Variants in LRRC28 observed in about 807,000 individuals in gnomAD.
LRRC28 encodes leucine rich repeat containing 28, also known as leucine-rich repeat-containing protein 28.
A neutral mutation model predicts 45.7 loss-of-function variants in LRRC28; 39 were observed. The ratio of observed to expected loss-of-function variants is 0.85; its 90% CI spans 0.66 to 1.12. LRRC28 has a LOEUF of 1.12. Ranked by LOEUF, LRRC28 falls within the 50% of genes most tolerant of loss-of-function variation. The pLI is 0.00. For synonymous variants in LRRC28, 206 were observed against 178.8 expected (o/e 1.15, Z -1.22); for missense variants, 435 against 438.5 (o/e 0.99, Z 0.07).
At chr15:99,357,516 C>G (rs912711395) in intron 7 of LRRC28, among the ~76,000 whole-genome samples, 1 of 152,158 alleles carries the variant, frequency 6.6e-6, no homozygotes, top group Non-Finnish European at 1.5e-5. Flanking sequence ...AAAGGCCAAA[C>G]CAGACTATAG....
Position 99,292,706 on chromosome 15 carries a change from C to A in LRRC28, c.385+4755C>A, listed in dbSNP as rs572672141. On this transcript the variant is annotated intron_variant, in intron 5 of 9. Coordinates refer to ENST00000301981, the MANE Select transcript of LRRC28 (RefSeq NM_144598.5). ...ACCTACGAATCCTCTGGGTTCTACACGGGTATGTCCACATATAGCTTTCAA... is the reference window on the plus strand; with the variant it reads ...ACCTACGAATCCTCTGGGTTCTACAAGGGTATGTCCACATATAGCTTTCAA... 5.3e-5 allele frequency among the ~76,000 whole-genome samples: 8 copies of A among 152,336 alleles called. No individual in the cohort carries two copies. In the South Asian group the frequency reaches 1.4e-3, roughly 28 times the overall value.
At chr15:99,359,153 A>G (rs1474718819) in intron 7 of LRRC28, among the ~76,000 whole-genome samples, 2 of 152,220 alleles carry the variant, frequency 1.3e-5, no homozygotes, top group African/African-American at 4.8e-5. Context: ...CAGTCTTCAA[A>G]TCAGGGTAAC....
intron 7 of LRRC28, among the ~76,000 whole-genome samples, chr15:99,358,406 C>A (rs1346581959): frequency 6.6e-6 from 1 of 152,100 alleles, no homozygotes; most frequent in African/African-American, 2.4e-5. Context: ...TAATACAAAT[C>A]TCTGGAAGGC....
Position 99,386,732 on chromosome 15 carries a change from T to C in LRRC28, c.*630T>C, listed in dbSNP as rs1340484719. On this transcript the variant is annotated 3_prime_UTR_variant, in exon 10 of 10. Coordinates refer to ENST00000301981, the MANE Select transcript of LRRC28 (RefSeq NM_144598.5). Reference sequence around the variant, plus strand: ...GTTCTACAGTGTAGCAACAGACTTTTGTGAGGGATTTTAAAAACAAAAATG... The same window carrying C: ...GTTCTACAGTGTAGCAACAGACTTTCGTGAGGGATTTTAAAAACAAAAATG... 2.6e-5 allele frequency: 4 copies of C among 152,356 alleles called. No homozygotes were observed. In the East Asian group the frequency reaches 5.8e-4, roughly 22 times the overall value. The allele number at this position is 152,356 out of a possible 1,614,324, so 9.4% of individuals were successfully genotyped here.
chr15:99,328,649 G>A (rs1956061439), intron 5 of LRRC28, among the ~76,000 whole-genome samples: 1 of 149,708 alleles, frequency 6.7e-6, no homozygotes, highest in Non-Finnish European at 1.5e-5. Flanking sequence ...ATGAGTCTGA[G>A]TGGACTAGGT....
chr15:99,384,017 A>G (rs1323829180), intron 9 of LRRC28, among the ~76,000 whole-genome samples: 16 of 152,316 alleles, frequency 1.1e-4, no homozygotes, highest in African/African-American at 3.6e-4. Context: ...ATCCGTTTCC[A>G]TGCGTGCCCT....
chr15:99,336,959 C>G (rs940104065), intron 6 of LRRC28, among the ~76,000 whole-genome samples: 3 of 152,232 alleles, frequency 2.0e-5, no homozygotes, highest in African/African-American at 7.2e-5. Context: ...ATCCACAGCC[C>G]TGTTCTCTTG....
chr15:99,357,669 T>G (rs1957084015), intron 7 of LRRC28, among the ~76,000 whole-genome samples: 1 of 152,238 alleles, frequency 6.6e-6, no homozygotes. Flanking sequence ...AATTGTGACT[T>G]GTGTACTTTT....
chr15:99,333,638 A>G (rs2152293807), intron 5 of LRRC28: 1 of 432,724 alleles, frequency 2.3e-6, no homozygotes, highest in East Asian at 4.2e-5. Flanking sequence ...TGCAGAAGCC[A>G]TAGTGACAGA....
At chr15:99,325,258 A>G (rs989633662) in intron 5 of LRRC28, among the ~76,000 whole-genome samples, 1 of 152,168 alleles carries the variant, frequency 6.6e-6, no homozygotes, top group Non-Finnish European at 1.5e-5. Flanking sequence ...TAGAAATGCA[A>G]TTGATTTTCT....
chr15:99,362,065 T>G lies in LRRC28; in HGVS notation c.871+554T>G, dbSNP rs1482981637. Among the ~76,000 whole-genome samples, 3 of 152,172 alleles carry G rather than the reference T, an allele frequency of 2.0e-5. No homozygotes were observed. The East Asian group carries it at 5.8e-4, about 29-fold the overall frequency. On this transcript the variant is annotated intron_variant, in intron 8 of 9. Coordinates refer to ENST00000301981, the MANE Select transcript of LRRC28 (RefSeq NM_144598.5). ...GTGCCAGCTAAAATTTGGAAAGGAT[T>G]TGGCCGTGCACAGATTTGATAGGTA...
chr15:99,257,716 G>A, intron 2 of LRRC28: 1 of 773,830 alleles, frequency 1.3e-6, no homozygotes. Context: ...GATGTGGAAG[G>A]TACAGTAGAA....
intron 5 of LRRC28, among the ~76,000 whole-genome samples, chr15:99,328,670 T>C: frequency 6.7e-6 from 1 of 149,068 alleles, no homozygotes; most frequent in Non-Finnish European, 1.5e-5. Flanking sequence ...AGGGAAAATC[T>C]GCCCTCATTA....
In LRRC28 at chr15:99,334,175, A is replaced by C. The variant is rs1408510770; in HGVS notation, c.592+46A>C. ...TAAAGCAGCCAAAGAATAAGATGGA[A>C]AGCCTTTGTTTCTTTGACTAGAACC... On this transcript the variant is annotated intron_variant, in intron 6 of 9. Coordinates refer to ENST00000301981, the MANE Select transcript of LRRC28 (RefSeq NM_144598.5). The C allele has an allele frequency of 2.5e-6, 4 of 1,603,172 alleles. No individual in the cohort carries two copies. In the African/African-American group the frequency reaches 5.4e-5, roughly 21 times the overall value.
At chr15:99,334,831 G>A (rs1956272632) in intron 6 of LRRC28, among the ~76,000 whole-genome samples, 1 of 152,024 alleles carries the variant, frequency 6.6e-6, no homozygotes, top group South Asian at 2.1e-4. Flanking sequence ...GTCACAATAA[G>A]CATCATATGA....
At chr15:99,283,193 T>G (rs1048216502) in intron 3 of LRRC28, among the ~76,000 whole-genome samples, 5 of 151,686 alleles carry the variant, frequency 3.3e-5, no homozygotes, top group Admixed American at 2.0e-4. Flanking sequence ...ACACCCAAAC[T>G]AAAAATTATT....
intron 2 of LRRC28, 53 bp downstream of exon 2, chr15:99,256,178 C>A: frequency 6.9e-7 from 1 of 1,455,896 alleles, no homozygotes; most frequent in South Asian, 1.4e-5. Flanking sequence ...TGGTCCTGAT[C>A]AAGATACATT....
intron 5 of LRRC28, among the ~76,000 whole-genome samples, chr15:99,288,353 G>A (rs1478367435): frequency 6.8e-6 from 1 of 147,026 alleles, no homozygotes; most frequent in Non-Finnish European, 1.5e-5. Context: ...CTCTAGTGAG[G>A]TAACTAATGT....
In LRRC28 at chr15:99,387,232, T is replaced by TTG. The variant is rs1958042077; in HGVS notation, c.*1132_*1133dup. 6.7e-6 allele frequency: 1 copy of TTG among 149,238 alleles called. No individual in the cohort carries two copies. The highest frequency in any genetic ancestry group is 6.7e-5 in the Admixed American group (1 of 14,840). 9.2% of individuals were successfully genotyped at this position (149,238 alleles called of 1,614,324 possible). ...CCCGCCACCACGCCCGGCTAATTTTTTGTATTTTTAGTAGAGACGGGGTTT... is the reference window on the plus strand; with the variant it reads ...CCCGCCACCACGCCCGGCTAATTTTTTGTGTATTTTTAGTAGAGACGGGGTTT... On this transcript the variant is annotated 3_prime_UTR_variant, in exon 10 of 10. Coordinates refer to ENST00000301981, the MANE Select transcript of LRRC28 (RefSeq NM_144598.5).
Sources: gnomAD v4.1 joint callset for allele counts (sites outside exome capture counted in the v4.1 genomes callset) on GRCh38, gnomAD v4.1.1 for gene constraint, MANE v1.5 for transcripts, NCBI Gene and HGNC (gene_info 2026-07-23, HGNC 2026-07-21) for gene names.